The following RAMP1 variants were observed in gnomAD, a reference collection of about 807,000 sequenced individuals.
RAMP1 encodes receptor activity modifying protein 1.
RAMP1 carries 7 observed loss-of-function variants against 8.2 expected under a neutral mutation model. The observed-to-expected ratio is 0.85, with a 90% CI of 0.49 to 1.60. The LOEUF is 1.60. Ranked by LOEUF, RAMP1 falls within the 40% of genes most tolerant of loss-of-function variation. The probability of loss-of-function intolerance (pLI) is 0.00; values close to 1 mark genes in which losing one functional copy is unlikely to be tolerated. For missense variants in RAMP1, 192 were observed against 202.4 expected (o/e 0.95, Z 0.31); for synonymous variants, 92 against 84.7 (o/e 1.09, Z -0.47).
At chr2:237,879,384 G>A (rs1360473649) in intron 2 of RAMP1, among the ~76,000 whole-genome samples, 1 of 151,914 alleles carries the variant, frequency 6.6e-6, no homozygotes, top group African/African-American at 2.4e-5. Context: ...AGCACAAAGA[G>A]GAATAACTAG....
At chr2:237,866,721 G>A (rs892991855) in intron 1 of RAMP1, among the ~76,000 whole-genome samples, 1 of 150,028 alleles carries the variant, frequency 6.7e-6, no homozygotes, top group African/African-American at 2.5e-5. Context: ...TATGTATACT[G>A]TATTCTTTTT....
At chr2:237,900,028 C>T (rs777846253) in intron 2 of RAMP1, among the ~76,000 whole-genome samples, 34 of 152,066 alleles carry the variant, frequency 2.2e-4, no homozygotes, top group Admixed American at 7.9e-4. Context: ...CTTTTTAAGT[C>T]GATATTTGAT....
chr2:237,884,477 C>T (rs1020230739), intron 2 of RAMP1, among the ~76,000 whole-genome samples: 1 of 152,120 alleles, frequency 6.6e-6, no homozygotes, highest in African/African-American at 2.4e-5. Flanking sequence ...GTGCTGGACT[C>T]GGCTATAAAA....
chr2:237,867,528 C>G (rs543584433), intron 1 of RAMP1, among the ~76,000 whole-genome samples: 1 of 151,950 alleles, frequency 6.6e-6, no homozygotes, highest in Non-Finnish European at 1.5e-5. Context: ...ATCTTCTTCC[C>G]GTGTGTAAAG....
chr2:237,880,074 C>T (rs975855505), intron 2 of RAMP1, among the ~76,000 whole-genome samples: 2 of 151,936 alleles, frequency 1.3e-5, no homozygotes, highest in Non-Finnish European at 2.9e-5. Context: ...AGCACGTCAG[C>T]CCAGGCCTGC....
At chr2:237,911,192 G>T (rs888012331) in intron 2 of RAMP1, among the ~76,000 whole-genome samples, 4 of 152,194 alleles carry the variant, frequency 2.6e-5, no homozygotes, top group African/African-American at 9.6e-5. Context: ...CAGGGTGGCA[G>T]AAGGAGCTGG....
chr2:237,901,473 C>T (rs942581539), intron 2 of RAMP1, among the ~76,000 whole-genome samples: 17 of 152,282 alleles, frequency 1.1e-4, no homozygotes, highest in East Asian at 3.9e-4. Context: ...GACATTTAAG[C>T]GAAGGGCGAG....
At chr2:237,883,958 A>C (rs1471409165) in intron 2 of RAMP1, among the ~76,000 whole-genome samples, 2 of 103,700 alleles carry the variant, frequency 1.9e-5, no homozygotes, top group African/African-American at 8.0e-5. Flanking sequence ...GTTTGTAGCC[A>C]CTGCGCTTGC....
At chr2:237,905,203 T>C (rs796352195) in intron 2 of RAMP1, among the ~76,000 whole-genome samples, 16 of 152,338 alleles carry the variant, frequency 1.1e-4, no homozygotes, top group African/African-American at 3.8e-4. Context: ...TTTTCATGAC[T>C]ATTTTGGGTC....
At chr2:237,909,375 G>A (rs11673847) in intron 2 of RAMP1, among the ~76,000 whole-genome samples, 34,552 of 152,008 alleles carry the variant, frequency 0.23, 4,410 homozygotes, top group East Asian at 0.46. Context: ...TGCCTGTCAT[G>A]CAGGGGTACC....
chr2:237,905,346 A>C (rs1459156051), intron 2 of RAMP1, among the ~76,000 whole-genome samples: 2 of 152,240 alleles, frequency 1.3e-5, no homozygotes, highest in Non-Finnish European at 2.9e-5. Flanking sequence ...ATAAATAAAC[A>C]GGATGAAGTG....
intron 1 of RAMP1, among the ~76,000 whole-genome samples, chr2:237,876,113 C>T (rs1245766852): frequency 3.3e-5 from 5 of 152,134 alleles, no homozygotes; most frequent in East Asian, 1.9e-4. Context: ...CCCGGCGCAT[C>T]GGGGCAGCTC....
Position 237,867,162 on chromosome 2 carries a change from G to A in RAMP1, c.52+7435G>A, listed in dbSNP as rs890875230. 3.3e-5 allele frequency among the ~76,000 whole-genome samples: 5 copies of A among 152,142 alleles called. No individual in the cohort carries two copies. In the South Asian group the frequency reaches 6.2e-4, roughly 19 times the overall value. ...AGGTGGGAGGATCGCTTGAGTCCAG[G>A]GGGTGGAGGTTGCAATGAACCAAGA... On this transcript the variant is annotated intron_variant, in intron 1 of 2. Coordinates refer to ENST00000254661, the MANE Select transcript of RAMP1 (RefSeq NM_005855.4).
intron 2 of RAMP1, among the ~76,000 whole-genome samples, chr2:237,908,703 T>G (rs1324451765): frequency 6.6e-6 from 1 of 152,170 alleles, no homozygotes; most frequent in Non-Finnish European, 1.5e-5. Flanking sequence ...CCCAAAGTGC[T>G]GGGATTACAG....
chr2:237,881,059 C>G (rs2062363809), intron 2 of RAMP1, among the ~76,000 whole-genome samples: 1 of 152,178 alleles, frequency 6.6e-6, no homozygotes, highest in Non-Finnish European at 1.5e-5. Flanking sequence ...GGCAACTTAC[C>G]TCATCAGTTT....
intron 2 of RAMP1, among the ~76,000 whole-genome samples, chr2:237,910,701 CA>C (rs1376486332): frequency 1.3e-5 from 2 of 151,132 alleles, no homozygotes; most frequent in Non-Finnish European, 2.9e-5. Context: ...AACAGTTACA[CA>C]GTCACATAGT....
intron 1 of RAMP1, among the ~76,000 whole-genome samples, chr2:237,874,355 C>A (rs1576537957): frequency 6.6e-6 from 1 of 152,230 alleles, no homozygotes. Flanking sequence ...TTGTTGGAGA[C>A]CCCACCAGAA....
rs895325258 is a variant in RAMP1 at position 237,865,486 on chromosome 2, C to A, written c.52+5759C>A. On this transcript the variant is annotated intron_variant, in intron 1 of 2. Transcript: ENST00000254661. This position sits in a 1 kb window ranked among gnomAD's most constrained non-coding sequence, Gnocchi z 4.2. ...AGCCTGTCTCATACAGTATCGGGAA[C>A]ATGCCTCAAAAACCACCGTTTCTCT... is the stretch of plus-strand genomic sequence containing the variant. Among the ~76,000 whole-genome samples, 61 of 152,068 alleles carry A rather than the reference C, an allele frequency of 4.0e-4. No individual in the cohort carries two copies. Among genetic ancestry groups the A allele is most frequent in the African/African-American group, 1.4e-3 (57 of 41,376 alleles).
chr2:237,888,326 C>T (rs762953951), intron 2 of RAMP1, among the ~76,000 whole-genome samples: 4 of 152,226 alleles, frequency 2.6e-5, no homozygotes, highest in Non-Finnish European at 4.4e-5. Context: ...GCTGGAATTA[C>T]AGGCGTGAGC....
Sources: allele counts gnomAD v4.1 joint callset (sites outside exome capture counted in the v4.1 genomes callset), GRCh38; gene constraint gnomAD v4.1.1; non-coding constraint Gnocchi (gnomAD v3.1); transcripts MANE v1.5; gene names NCBI Gene and HGNC (gene_info 2026-07-23, HGNC 2026-07-21).